Variants in ZDHHC20 observed in about 807,000 individuals in gnomAD.
ZDHHC20 encodes palmitoyltransferase ZDHHC20.
Under a neutral mutation model 57.8 loss-of-function variants are expected in ZDHHC20, and 43 were observed. That is an observed-to-expected ratio of 0.74 (90% CI 0.58 to 0.96). The LOEUF (loss-of-function observed/expected upper bound fraction) is 0.96. Ranked by LOEUF, ZDHHC20 falls within the 40% of genes least tolerant of loss-of-function variation. ZDHHC20 has a pLI of 0.00. For missense variants in ZDHHC20, 391 were observed against 441.1 expected (o/e 0.89, Z 1.02); for synonymous variants, 157 against 153.0 (o/e 1.03, Z -0.19).
At chr13:21,396,767 A>T (rs1478098535) in intron 7 of ZDHHC20, among the ~76,000 whole-genome samples, 2 of 151,894 alleles carry the variant, frequency 1.3e-5, no homozygotes, top group Non-Finnish European at 2.9e-5. Flanking sequence ...CAGGAGGTGA[A>T]GGTTACAGTG....
intron 1 of ZDHHC20, among the ~76,000 whole-genome samples, chr13:21,434,836 A>C (rs1882381194): frequency 6.6e-6 from 1 of 151,948 alleles, no homozygotes; most frequent in Non-Finnish European, 1.5e-5. Flanking sequence ...CAGTTATACA[A>C]TCAGCCTTCT....
intron 1 of ZDHHC20, among the ~76,000 whole-genome samples, chr13:21,451,217 A>C (rs1884408517): frequency 6.6e-6 from 1 of 152,230 alleles, no homozygotes; most frequent in Non-Finnish European, 1.5e-5. Flanking sequence ...TAGGACCAAT[A>C]AGCCATTTCA....
chr13:21,443,506 C>T (rs924133752), intron 1 of ZDHHC20, among the ~76,000 whole-genome samples: 1 of 152,204 alleles, frequency 6.6e-6, no homozygotes, highest in Non-Finnish European at 1.5e-5. Context: ...CAAAAATTCT[C>T]TATGTCCTAG....
chr13:21,409,998 G>T (rs1046811027), intron 4 of ZDHHC20, among the ~76,000 whole-genome samples: 1 of 152,130 alleles, frequency 6.6e-6, no homozygotes, highest in Admixed American at 6.6e-5. Context: ...TTTTGCACTG[G>T]TTTTTCCTCA....
At chr13:21,407,444 T>C (rs1489057642) in intron 4 of ZDHHC20, among the ~76,000 whole-genome samples, 1 of 152,240 alleles carries the variant, frequency 6.6e-6, no homozygotes, top group African/African-American at 2.4e-5. Flanking sequence ...GAAAAGTGTC[T>C]GTTCATACCC....
chr13:21,448,028 A>G (rs1883956989), intron 1 of ZDHHC20, among the ~76,000 whole-genome samples: 1 of 104,342 alleles, frequency 9.6e-6, no homozygotes, highest in South Asian at 3.2e-4. Context: ...CTGAGAAGTG[A>G]GGAGACCCTC....
At chr13:21,442,463 C>G (rs1883272561) in intron 1 of ZDHHC20, among the ~76,000 whole-genome samples, 1 of 152,146 alleles carries the variant, frequency 6.6e-6, no homozygotes, top group Non-Finnish European at 1.5e-5. Context: ...GTTTTAAAAA[C>G]TTTTGACGTG....
At chr13:21,384,939 GCA>G (rs1874180940) in intron 9 of ZDHHC20, among the ~76,000 whole-genome samples, 1 of 151,600 alleles carries the variant, frequency 6.6e-6, no homozygotes, top group African/African-American at 2.4e-5. Context: ...ATGAAAAGTA[GCA>G]CATATGTGAT....
At chr13:21,407,067 C>A (rs1421634567) in intron 4 of ZDHHC20, among the ~76,000 whole-genome samples, 3 of 152,168 alleles carry the variant, frequency 2.0e-5, no homozygotes, top group African/African-American at 7.2e-5. Context: ...CAGCTCACTG[C>A]AACCTCCATC....
intron 7 of ZDHHC20, among the ~76,000 whole-genome samples, chr13:21,395,144 G>A (rs1876549381): frequency 6.6e-6 from 1 of 150,958 alleles, no homozygotes; most frequent in African/African-American, 2.4e-5. Flanking sequence ...TCAGCTCACT[G>A]CAAGCTCCGT....
chr13:21,449,499 C>G (rs1884232595), intron 1 of ZDHHC20, among the ~76,000 whole-genome samples: 1 of 152,134 alleles, frequency 6.6e-6, no homozygotes, highest in African/African-American at 2.4e-5. Flanking sequence ...AGAGCTAAGG[C>G]AGAAGATGTC....
intron 7 of ZDHHC20, among the ~76,000 whole-genome samples, chr13:21,392,176 A>G (rs2137730490): frequency 6.6e-6 from 1 of 151,098 alleles, no homozygotes; most frequent in South Asian, 2.1e-4. Flanking sequence ...TAGGAGTTCT[A>G]GGCCATCCTG....
At chr13:21,380,525 G>C (rs1284811709) in intron 11 of ZDHHC20, among the ~76,000 whole-genome samples, 1 of 151,970 alleles carries the variant, frequency 6.6e-6, no homozygotes, top group Non-Finnish European at 1.5e-5. Context: ...CGGGCATGGT[G>C]GCTCATGCCT....
Position 21,420,058 on chromosome 13 carries a change from G to A in ZDHHC20, c.249+1003C>T, listed in dbSNP as rs1331919669. On this transcript the variant is annotated intron_variant, in intron 3 of 12. Coordinates refer to ENST00000400590, the MANE Select transcript of ZDHHC20 (RefSeq NM_001330059.2). ...TCCCAGCACTTTGGGAGGCTGAGGC[G>A]GGTGGATCACCCGAGGCCAGGAGTT... Among the ~76,000 whole-genome samples, 8 of 152,212 alleles carry A rather than the reference G, an allele frequency of 5.3e-5. 1 individual carries two copies. Among genetic ancestry groups the A allele is most frequent in the Admixed American group, 2.6e-4 (4 of 15,296 alleles).
chr13:21,438,400 T>C (rs1380278137), intron 1 of ZDHHC20, among the ~76,000 whole-genome samples: 1 of 152,112 alleles, frequency 6.6e-6, no homozygotes, highest in African/African-American at 2.4e-5. Flanking sequence ...TCCAAGATCA[T>C]GGATGACACT....
At chr13:21,384,603 C>T (rs891439067) in intron 9 of ZDHHC20, among the ~76,000 whole-genome samples, 8 of 151,952 alleles carry the variant, frequency 5.3e-5, no homozygotes, top group Non-Finnish European at 1.5e-5. Context: ...CTAAGCTGCA[C>T]TTGTGAATCC....
intron 12 of ZDHHC20, chr13:21,377,561 C>T (rs5027595): frequency 0.025 from 922 of 37,632 alleles, 87 homozygotes; most frequent in Non-Finnish European, 0.035. Flanking sequence ...CTAGTGCCTG[C>T]GATCTGACTG....
In ZDHHC20 at chr13:21,396,516, G is replaced by T. The variant is rs145453199; in HGVS notation, c.594+3857C>A. 6.8e-3 allele frequency among the ~76,000 whole-genome samples: 1,037 copies of T among 152,068 alleles called. 7 individuals are homozygous for T. The highest frequency in any genetic ancestry group is 0.013 in the South Asian group (65 of 4,818). On this transcript the variant is annotated intron_variant, in intron 7 of 12. Transcript: ENST00000400590. Reference sequence around the variant, plus strand: ...AAACTTTGATGTGACAAAAACAAAAGAAAGCAGAAATGTAAGACATAAACA... The same window carrying T: ...AAACTTTGATGTGACAAAAACAAAATAAAGCAGAAATGTAAGACATAAACA...
At chr13:21,436,266 T>C (rs916472864) in intron 1 of ZDHHC20, among the ~76,000 whole-genome samples, 1 of 152,250 alleles carries the variant, frequency 6.6e-6, no homozygotes, top group African/African-American at 2.4e-5. Flanking sequence ...AATGTTATAA[T>C]GACACAGCAT....
Sources: allele counts gnomAD v4.1 joint callset (sites outside exome capture counted in the v4.1 genomes callset), GRCh38; gene constraint gnomAD v4.1.1; transcripts MANE v1.5; gene names NCBI Gene and HGNC (gene_info 2026-07-23, HGNC 2026-07-21).